Variants in KIF26B observed in about 807,000 individuals in gnomAD.
KIF26B encodes kinesin family member 26B.
KIF26B carries 63 observed loss-of-function variants against 151.2 expected under a neutral mutation model. The observed-to-expected ratio is 0.42, with a 90% CI of 0.34 to 0.51. KIF26B has a LOEUF of 0.51. Among genes scored for constraint, KIF26B ranks in the 20% least tolerant of loss-of-function variants. The probability of loss-of-function intolerance (pLI) is 0.07; values close to 1 mark genes in which losing one functional copy is unlikely to be tolerated. For synonymous variants in KIF26B, 1,357 were observed against 1,262.1 expected (o/e 1.08, Z -1.59); for missense variants, 2,813 against 2,913.6 (o/e 0.97, Z 0.79).
intron 2 of KIF26B, among the ~76,000 whole-genome samples, chr1:245,351,960 G>A (rs527390560): frequency 1.6e-4 from 25 of 152,278 alleles, no homozygotes; most frequent in Non-Finnish European, 2.6e-4. Context: ...TGGATATATT[G>A]AATGAATAGA....
chr1:245,557,032 C>T (rs1018836225), intron 5 of KIF26B, among the ~76,000 whole-genome samples: 2 of 152,224 alleles, frequency 1.3e-5, no homozygotes, highest in Non-Finnish European at 1.5e-5. Context: ...CTGTCTCCAT[C>T]TGTGCCAGGT....
At chr1:245,357,822 G>T (rs1672732448) in intron 2 of KIF26B, among the ~76,000 whole-genome samples, 1 of 152,310 alleles carries the variant, frequency 6.6e-6, no homozygotes, top group Admixed American at 6.5e-5. Flanking sequence ...GAAGAAAATT[G>T]TGTGGGGCCC....
intron 2 of KIF26B, among the ~76,000 whole-genome samples, chr1:245,307,028 G>C (rs143137150): frequency 6.6e-6 from 1 of 152,152 alleles, no homozygotes; most frequent in African/African-American, 2.4e-5. Context: ...GAACAATGCA[G>C]GATCAAACTT....
intron 2 of KIF26B, among the ~76,000 whole-genome samples, chr1:245,310,248 G>A (rs1252745013): frequency 6.6e-6 from 1 of 151,872 alleles, no homozygotes; most frequent in Non-Finnish European, 1.5e-5. Flanking sequence ...CATATGCCAA[G>A]AGAGATAGCG....
intron 2 of KIF26B, among the ~76,000 whole-genome samples, chr1:245,159,489 G>A (rs1453202398): frequency 1.3e-5 from 2 of 152,184 alleles, no homozygotes; most frequent in African/African-American, 2.4e-5. Flanking sequence ...TCATTAAAAT[G>A]ATCCAAGGTA....
At chr1:245,293,058 AT>A (rs1401662916) in intron 2 of KIF26B, among the ~76,000 whole-genome samples, 2 of 152,248 alleles carry the variant, frequency 1.3e-5, no homozygotes, top group East Asian at 3.8e-4. Flanking sequence ...CAAAGATAAT[AT>A]AATAAAATCT....
chr1:245,391,198 A>G (rs1246606125), intron 3 of KIF26B, among the ~76,000 whole-genome samples: 1 of 152,164 alleles, frequency 6.6e-6, no homozygotes, highest in Non-Finnish European at 1.5e-5. Context: ...GCAACATAAG[A>G]TCCATACAAA....
At chr1:245,390,938 A>AAAAAAAAAAAAAAAAAAACAAAAC (rs1673676387) in intron 3 of KIF26B, among the ~76,000 whole-genome samples, 1 of 95,966 alleles carries the variant, frequency 1.0e-5, no homozygotes, top group Non-Finnish European at 1.8e-5. Context: ...AAAAAAAAAA[A>AAAAAAAAAAAAAAAAAAACAAAAC]AAAAAAAAAA....
At chr1:245,430,359 A>G (rs1449020611) in intron 4 of KIF26B, among the ~76,000 whole-genome samples, 1 of 152,074 alleles carries the variant, frequency 6.6e-6, no homozygotes, top group East Asian at 1.9e-4. Context: ...GCACTGACTC[A>G]TTTAAAAATC....
intron 2 of KIF26B, among the ~76,000 whole-genome samples, chr1:245,199,846 C>CCATCCATCCAT (rs1558342686): frequency 5.3e-5 from 1 of 18,834 alleles, no homozygotes; most frequent in African/African-American, 9.3e-5. Context: ...CATCCATCCA[C>CCATCCATCCAT]CCATCCACTT....
At chr1:245,383,273 A>G (rs1673459291) in intron 3 of KIF26B, among the ~76,000 whole-genome samples, 2 of 152,028 alleles carry the variant, frequency 1.3e-5, no homozygotes, top group Non-Finnish European at 2.9e-5. Context: ...TGAACACGGT[A>G]TCCCTGAAAA....
chr1:245,549,177 A>G (rs1661822030), intron 5 of KIF26B, among the ~76,000 whole-genome samples: 2 of 152,194 alleles, frequency 1.3e-5, no homozygotes, highest in Admixed American at 1.3e-4. Context: ...AATTTTTATA[A>G]GGGGACTTTT....
intron 5 of KIF26B, among the ~76,000 whole-genome samples, chr1:245,577,754 G>A (rs1210382366): frequency 6.9e-6 from 1 of 145,418 alleles, no homozygotes; most frequent in Non-Finnish European, 1.5e-5. Flanking sequence ...TCTCCTCACC[G>A]GAAGAGCTTT....
intron 5 of KIF26B, among the ~76,000 whole-genome samples, chr1:245,559,257 G>A (rs537121931): frequency 6.6e-6 from 1 of 152,158 alleles, no homozygotes; most frequent in Non-Finnish European, 1.5e-5. Flanking sequence ...AGAATCACTT[G>A]AGCCCGGGAA....
intron 2 of KIF26B, among the ~76,000 whole-genome samples, chr1:245,336,636 C>T (rs1672239953): frequency 6.6e-6 from 1 of 152,162 alleles, no homozygotes; most frequent in Non-Finnish European, 1.5e-5. Flanking sequence ...TGGGAGAGCA[C>T]CTGAAGCCGC....
intron 2 of KIF26B, among the ~76,000 whole-genome samples, chr1:245,198,332 T>A (rs1376489156): frequency 1.3e-5 from 2 of 152,208 alleles, no homozygotes; most frequent in Non-Finnish European, 2.9e-5. Context: ...TCCTCATCTG[T>A]AAAATGGGAA....
At chr1:245,420,424 G>A (rs561718577) in intron 4 of KIF26B, among the ~76,000 whole-genome samples, 1 of 152,316 alleles carries the variant, frequency 6.6e-6, no homozygotes, top group South Asian at 2.1e-4. Context: ...TTATGAATGA[G>A]GAAACCGAGG....
At chr1:245,390,921 CA>C (rs796799193) in intron 3 of KIF26B, among the ~76,000 whole-genome samples, 33 of 13,448 alleles carry the variant, frequency 2.5e-3, no homozygotes, top group African/African-American at 0.011. Flanking sequence ...GACCCTGTCT[CA>C]AAAAAAAAAA....
intron 3 of KIF26B, among the ~76,000 whole-genome samples, chr1:245,386,440 G>A (rs1673547888): frequency 1.3e-5 from 2 of 152,124 alleles, no homozygotes; most frequent in Non-Finnish European, 2.9e-5. Context: ...TATGACCCAG[G>A]CTTTGCTGAG....
Sources: allele counts gnomAD v4.1 joint callset (sites outside exome capture counted in the v4.1 genomes callset), GRCh38; gene constraint gnomAD v4.1.1; transcripts MANE v1.5; gene names NCBI Gene and HGNC (gene_info 2026-07-23, HGNC 2026-07-21).